RNASEH1: variants seen among roughly 807,000 people sequenced by gnomAD.
RNASEH1 encodes the protein ribonuclease H type II.
Under a neutral mutation model 34.6 loss-of-function variants are expected in RNASEH1, and 27 were observed. That is an observed-to-expected ratio of 0.78 (90% CI 0.58 to 1.08). The LOEUF (loss-of-function observed/expected upper bound fraction) is 1.08, where lower values mean the gene tolerates loss of function less well. RNASEH1 is among the 50% of genes least tolerant of loss of function. RNASEH1 has a pLI of 0.00. For synonymous variants in RNASEH1, 162 were observed against 138.4 expected (o/e 1.17, Z -1.20); for missense variants, 349 against 373.6 (o/e 0.93, Z 0.54).
rs76050731 is a variant in RNASEH1 at position 3,544,233 on chromosome 2, C to A, written c.*1552G>T. On this transcript the variant is annotated 3_prime_UTR_variant, in exon 8 of 8. Coordinates refer to ENST00000315212, the MANE Select transcript of RNASEH1 (RefSeq NM_002936.6). Reference sequence around the variant, plus strand: ...TACTTTCCTGAGGAAAGCTCCTAACCGCCTGTTCTCCTGCCAAAGGGATCA... The same window carrying A: ...TACTTTCCTGAGGAAAGCTCCTAACAGCCTGTTCTCCTGCCAAAGGGATCA... 6.6e-6 allele frequency among the ~76,000 whole-genome samples: 1 copy of A among 152,078 alleles called. No homozygotes were observed. Among genetic ancestry groups the A allele is most frequent in the Non-Finnish European group, 1.5e-5 (1 of 68,018 alleles).
At chr2:3,551,873 G>T (rs12987176) in intron 3 of RNASEH1, among the ~76,000 whole-genome samples, 1 of 152,112 alleles carries the variant, frequency 6.6e-6, no homozygotes, top group Non-Finnish European at 1.5e-5. Context: ...TCATCTTAAC[G>T]TTAAGTACTG....
intron 4 of RNASEH1, 63 bp downstream of exon 4, chr2:3,550,310 C>T (rs971262669): frequency 1.5e-6 from 2 of 1,309,230 alleles, no homozygotes; most frequent in Admixed American, 3.4e-5. Context: ...TGAGCAGATC[C>T]CGCCTCATCT....
chr2:3,544,198 G>A lies in RNASEH1; in HGVS notation c.*1587C>T, dbSNP rs1373648623. On this transcript the variant is annotated 3_prime_UTR_variant, in exon 8 of 8. Coordinates refer to ENST00000315212, the MANE Select transcript of RNASEH1 (RefSeq NM_002936.6). ...ATCTTGGCACTGAGCATCAGCTGCC[G>A]TCAACATGGTACTTTCCTGAGGAAA... Among the ~76,000 whole-genome samples the A allele has an allele frequency of 6.6e-6, 1 of 152,158 alleles. No homozygotes were observed. Among genetic ancestry groups the A allele is most frequent in the East Asian group, 1.9e-4 (1 of 5,196 alleles).
At chr2:3,554,693 C>G (rs1660316186) in intron 2 of RNASEH1, among the ~76,000 whole-genome samples, 1 of 152,044 alleles carries the variant, frequency 6.6e-6, no homozygotes, top group Non-Finnish European at 1.5e-5. Flanking sequence ...CAGAAACATA[C>G]TTATATTGGA....
chr2:3,547,416 T>C (rs143943862), intron 7 of RNASEH1, among the ~76,000 whole-genome samples: 89 of 152,110 alleles, frequency 5.9e-4, no homozygotes, highest in African/African-American at 2.1e-3. Flanking sequence ...GCTTAAGTAG[T>C]CAGGCCATTT....
intron 1 of RNASEH1, 127 bp downstream of exon 1, chr2:3,558,006 C>T (rs1476557134): frequency 6.8e-7 from 1 of 1,480,794 alleles, no homozygotes; most frequent in African/African-American, 1.4e-5. Flanking sequence ...GGTCCCCCGA[C>T]CACCCACAGC....
In RNASEH1 at chr2:3,548,018, C is replaced by T. The variant is rs767874040; in HGVS notation, c.687G>A (p.Gly229=). ...TNWVQGWKKN[G]WKTSAGKEVI... ...CCTCTTTCCCTGCACTTGTCTTCCA[C>T]CCATTTTTCTTCCAACCTTGAACCC... Residue 229 remains glycine (G), a synonymous_variant, in exon 7 of 8, where the codon GGG becomes GGA. Coordinates refer to ENST00000315212, the MANE Select transcript of RNASEH1 (RefSeq NM_002936.6). 12 of 1,613,852 alleles carry T rather than the reference C, an allele frequency of 7.4e-6. No individual in the cohort carries two copies. In the East Asian group the frequency reaches 2.7e-4, roughly 36 times the overall value.
Position 3,545,083 on chromosome 2 carries a change from A to G in RNASEH1, c.*702T>C, listed in dbSNP as rs907880413. On this transcript the variant is annotated 3_prime_UTR_variant, in exon 8 of 8. Transcript: ENST00000315212. ...AGCCACTGTGCCCAGCCGGTGTCTTACTTTTTTTTTTTTTTTTTTAATTTG... is the reference window on the plus strand; with the variant it reads ...AGCCACTGTGCCCAGCCGGTGTCTTGCTTTTTTTTTTTTTTTTTTAATTTG... The G allele has an allele frequency of 7.0e-6, 1 of 142,782 alleles. No individual in the cohort carries two copies. The highest frequency in any genetic ancestry group is 2.5e-5 in the African/African-American group (1 of 39,414). 8.8% of individuals were successfully genotyped at this position (142,782 alleles called of 1,614,324 possible).
In RNASEH1 at chr2:3,558,285, A is replaced by C; in HGVS notation, c.-25T>G. On this transcript the variant is annotated 5_prime_UTR_variant, in exon 1 of 8. It removes an upstream start codon present in the reference 5' UTR. Transcript: ENST00000315212. ...TCGCTCACTCCCGGCACCGGGAAGC[A>C]TTTCGACTCCCGGCCCAGCGTGGGC... The C allele has an allele frequency of 6.5e-7, 1 of 1,532,202 alleles. No individual in the cohort carries two copies. Among genetic ancestry groups the C allele is most frequent in the Non-Finnish European group, 8.7e-7 (1 of 1,143,964 alleles). 94.9% of individuals were successfully genotyped at this position (1,532,202 alleles called of 1,614,324 possible). A position where few individuals can be genotyped will look rare whatever the true frequency, so the allele number is the denominator to read the frequency against.
At chr2:3,537,539 G>A (rs555961519), downstream of RNASEH1, among the ~76,000 whole-genome samples, 6 of 152,038 alleles carry the variant, frequency 3.9e-5, no homozygotes, top group East Asian at 1.9e-4. Context: ...CCTGGACAAC[G>A]TAGTGAGACC....
intron 4 of RNASEH1, among the ~76,000 whole-genome samples, chr2:3,549,356 T>G (rs922228808): frequency 6.6e-6 from 1 of 152,194 alleles, no homozygotes. Context: ...GGACCCTGGG[T>G]TAGGCCCTAT....
rs1669184742 is a variant in RNASEH1 at position 3,550,420 on chromosome 2, T to C, written c.462A>G (p.Arg154=). 5 of 1,614,136 alleles carry C rather than the reference T, an allele frequency of 3.1e-6. No individual in the cohort carries two copies. The highest frequency in any genetic ancestry group is 3.3e-4 in the Middle Eastern group (2 of 6,062). ...TDGCCSSNGR[R]RPRAGIGVYW... ...AAACGCCGATTCCTGCTCGCGGCCT[T>C]CTACGCCCATTACTGGAGCAGCAGC... Residue 154 remains arginine (R), a synonymous_variant, in exon 4 of 8, where the codon AGA becomes AGG. Transcript: ENST00000315212.
rs1317144791 is a variant in RNASEH1 at position 3,542,726 on chromosome 2, C to T, written c.*3059G>A. 6.6e-6 allele frequency among the ~76,000 whole-genome samples: 1 copy of T among 152,108 alleles called. No homozygotes were observed. Among genetic ancestry groups the T allele is most frequent in the Admixed American group, 6.5e-5 (1 of 15,270 alleles). On this transcript the variant is annotated 3_prime_UTR_variant, in exon 8 of 8. Coordinates refer to ENST00000315212, the MANE Select transcript of RNASEH1 (RefSeq NM_002936.6). ...GTGATTAAGGGATGGATATTCCATG[C>T]CATTGTCCTGTGTCTTGAGAAGCAG...
rs575003482 is a variant in RNASEH1, at chr2:3,558,269, C to A, written c.-9G>T. 3.2e-5 allele frequency: 50 copies of A among 1,562,892 alleles called. No individual in the cohort carries two copies. In the East Asian group the frequency reaches 1.1e-3, roughly 34 times the overall value. On this transcript the variant is annotated 5_prime_UTR_variant, in exon 1 of 8. Coordinates refer to ENST00000315212, the MANE Select transcript of RNASEH1 (RefSeq NM_002936.6). ...AACAGAAGCCAGCTCATCGCTCACT[C>A]CCGGCACCGGGAAGCATTTCGACTC...
At chr2:3,533,555 T>TGTTTATGGGGAGAGATAC in the RNASEH1 span, 1 of 152,234 alleles carries the variant, frequency 6.6e-6, no homozygotes, top group Non-Finnish European at 1.5e-5. Flanking sequence ...GGAGTTGCAA[T>TGTTTATGGGGAGAGATAC]GTTTATGGGG....
chr2:3,552,497 T>C (rs1429142189), intron 2 of RNASEH1, among the ~76,000 whole-genome samples, 189 bp from the exon 3 acceptor site: 12 of 32,260 alleles, frequency 3.7e-4, no homozygotes, highest in Admixed American at 1.5e-3. Context: ...CTCCACGCCA[T>C]CTCCACCCCC....
chr2:3,534,535 G>A, the RNASEH1 span, among the ~76,000 whole-genome samples: 19 of 152,376 alleles, frequency 1.2e-4, no homozygotes, highest in East Asian at 3.7e-3. Context: ...TGAGTTTTGG[G>A]TGCCACCACG....
chr2:3,549,913 T>G (rs1669118756), intron 4 of RNASEH1, among the ~76,000 whole-genome samples: 1 of 149,314 alleles, frequency 6.7e-6, no homozygotes, highest in Non-Finnish European at 1.5e-5. Flanking sequence ...GCCACTGCAC[T>G]CTAGCCTGGG....
chr2:3,557,188 C>T (rs1322073477), intron 1 of RNASEH1, among the ~76,000 whole-genome samples: 1 of 152,062 alleles, frequency 6.6e-6, no homozygotes, highest in South Asian at 2.1e-4. Context: ...TCTTTTTATG[C>T]GTATTTTAAA....
Sources: allele counts gnomAD v4.1 joint callset (sites outside exome capture counted in the v4.1 genomes callset), GRCh38; gene constraint gnomAD v4.1.1; transcripts MANE v1.5; gene names NCBI Gene and HGNC (gene_info 2026-07-23, HGNC 2026-07-21).